PLXNA4: variants seen among roughly 807,000 people sequenced by gnomAD.
PLXNA4 encodes the protein plexin A4.
In PLXNA4, 44 loss-of-function variants were observed where a neutral mutation model predicts 191.8. The observed-to-expected ratio is 0.23, with a 90% confidence interval of 0.18 to 0.29. The LOEUF is 0.29. Ranked by LOEUF, PLXNA4 falls within the 10% of genes least tolerant of loss-of-function variation. The pLI is 1.00. For missense variants in PLXNA4, 1,800 were observed against 2,488.8 expected (o/e 0.72, Z 5.89); for synonymous variants, 1,082 against 1,009.5 (o/e 1.07, Z -1.36).
chr7:132,455,525 C>G (rs1476167205), intron 3 of PLXNA4, among the ~76,000 whole-genome samples: 3 of 152,140 alleles, frequency 2.0e-5, no homozygotes, highest in Admixed American at 1.3e-4. Context: ...CACACATATG[C>G]CTGCATGCAG....
At chr7:132,403,761 G>A (rs954658753) in intron 3 of PLXNA4, among the ~76,000 whole-genome samples, 5 of 152,116 alleles carry the variant, frequency 3.3e-5, no homozygotes, top group African/African-American at 1.2e-4. Context: ...AAGAGGCAGA[G>A]AGCAGGGAAG....
chr7:132,534,670 C>G (rs1290613721), intron 1 of PLXNA4, among the ~76,000 whole-genome samples: 1 of 152,162 alleles, frequency 6.6e-6, no homozygotes, highest in Admixed American at 6.5e-5. Flanking sequence ...TTAGTAGTCT[C>G]CAAAAGAAGG....
chr7:132,312,834 A>G (rs754631748), intron 3 of PLXNA4, among the ~76,000 whole-genome samples: 1 of 152,202 alleles, frequency 6.6e-6, no homozygotes, highest in Non-Finnish European at 1.5e-5. Context: ...CATTTAGCAC[A>G]CTGCCCAGCA....
chr7:132,181,760 A>T (rs1488071541), intron 17 of PLXNA4, 140 bp from the exon 18 acceptor site: 2 of 1,432,828 alleles, frequency 1.4e-6, no homozygotes, highest in Non-Finnish European at 1.8e-6. Flanking sequence ...GGGCCACACA[A>T]TTGGGCACTC....
intron 2 of PLXNA4, among the ~76,000 whole-genome samples, chr7:132,598,683 G>C (rs1037062881): frequency 1.3e-5 from 2 of 150,278 alleles, no homozygotes; most frequent in African/African-American, 5.0e-5. Context: ...AAATAACAGT[G>C]CTCTGTCAGT....
Position 132,298,148 on chromosome 7 carries a change from G to T in PLXNA4, c.1446C>A (p.Leu482=). 6.2e-7 allele frequency: 1 copy of T among 1,614,194 alleles called. No homozygotes were observed. Among genetic ancestry groups the T allele is most frequent in the Non-Finnish European group, 8.5e-7 (1 of 1,180,026 alleles). ...TVQVVDPGPV[L]RDMAFSKDHE... ...GGTCCTTGGAGAAGGCCATATCCCG[G>T]AGGACTGGGCCGGGGTCCACCACCT... The change falls in exon 4 of 32, where the codon CTC becomes CTA. Residue 482 remains leucine (L), a synonymous_variant. Coordinates refer to ENST00000321063, the MANE Select transcript of PLXNA4 (RefSeq NM_020911.2).
chr7:132,568,536 G>T (rs1801837804), intron 1 of PLXNA4, among the ~76,000 whole-genome samples: 1 of 152,110 alleles, frequency 6.6e-6, no homozygotes, highest in African/African-American at 2.4e-5. Context: ...CCCAATTTAT[G>T]TATCTGCCCA....
At chr7:132,381,832 C>T (rs1180954807) in intron 3 of PLXNA4, among the ~76,000 whole-genome samples, 1 of 152,174 alleles carries the variant, frequency 6.6e-6, no homozygotes, top group African/African-American at 2.4e-5. Flanking sequence ...CCAGGTGCCA[C>T]AGGGCTTGGT....
intron 3 of PLXNA4, among the ~76,000 whole-genome samples, chr7:132,345,098 A>T (rs1409190851): frequency 2.6e-5 from 4 of 152,092 alleles, no homozygotes; most frequent in African/African-American, 7.2e-5. Context: ...TCTTTGGGGG[A>T]TGGATGTAGG....
intron 1 of PLXNA4, among the ~76,000 whole-genome samples, chr7:132,563,806 CT>C (rs1801528326): frequency 1.3e-5 from 1 of 77,696 alleles, no homozygotes; most frequent in Non-Finnish European, 2.7e-5. Context: ...CCTCCTCCTT[CT>C]CCTCCTCCTT....
intron 3 of PLXNA4, among the ~76,000 whole-genome samples, chr7:132,483,435 T>C (rs1264207758): frequency 6.6e-6 from 1 of 152,216 alleles, no homozygotes; most frequent in Non-Finnish European, 1.5e-5. Flanking sequence ...TTCCCATCTT[T>C]GTTGTCTTGG....
rs368971023 is a variant in PLXNA4, at chr7:132,179,679, C to A, written c.3874+8G>T. On this transcript the variant is annotated splice_region_variant and intron_variant, in intron 20 of 31. Transcript: ENST00000321063. ...ACACATGGCCTCCAGCATGGGGCCA[C>A]TCAGTACCTTCCTTGCACTCCAGGG... 6.2e-7 allele frequency: 1 copy of A among 1,610,322 alleles called. No individual in the cohort carries two copies. The highest frequency in any genetic ancestry group is 1.3e-5 in the African/African-American group (1 of 74,988).
At chr7:132,222,551 G>A (rs1237415204) in intron 9 of PLXNA4, among the ~76,000 whole-genome samples, 1 of 152,080 alleles carries the variant, frequency 6.6e-6, no homozygotes, top group Non-Finnish European at 1.5e-5. Context: ...TGGCCACATG[G>A]TCATGACACC....
intron 3 of PLXNA4, among the ~76,000 whole-genome samples, chr7:132,394,051 G>A (rs1160854305): frequency 1.3e-5 from 2 of 151,222 alleles, no homozygotes; most frequent in Non-Finnish European, 2.9e-5. Flanking sequence ...CTGACAGCCT[G>A]GGAGTTTGCC....
At chr7:132,352,716 G>A (rs981966444) in intron 3 of PLXNA4, among the ~76,000 whole-genome samples, 15 of 152,142 alleles carry the variant, frequency 9.9e-5, no homozygotes, top group Non-Finnish European at 2.1e-4. Context: ...ATCCTCCTAC[G>A]TAAAATAGGA....
intron 5 of PLXNA4, among the ~76,000 whole-genome samples, chr7:132,238,945 C>T (rs1179093754): frequency 3.9e-5 from 6 of 152,176 alleles, no homozygotes; most frequent in African/African-American, 1.4e-4. Flanking sequence ...ATTTGATTCC[C>T]CAGTGACTCA....
intron 7 of PLXNA4, among the ~76,000 whole-genome samples, chr7:132,226,674 C>A (rs561532246): frequency 5.0e-4 from 76 of 152,338 alleles, no homozygotes; most frequent in Non-Finnish European, 1.0e-3. Flanking sequence ...AGCTCATTCC[C>A]TGTCTCTGTA....
intron 4 of PLXNA4, among the ~76,000 whole-genome samples, chr7:132,296,680 A>T (rs1801094004): frequency 6.6e-6 from 1 of 152,024 alleles, no homozygotes; most frequent in African/African-American, 2.4e-5. Context: ...ATGCCTTGTG[A>T]AGATCTTCTC....
At chr7:132,423,468 T>C (rs1008392682) in intron 3 of PLXNA4, among the ~76,000 whole-genome samples, 9 of 152,132 alleles carry the variant, frequency 5.9e-5, no homozygotes, top group African/African-American at 2.4e-5. Context: ...ATTTTGCTGA[T>C]GGATAAACTG....
Sources: allele counts gnomAD v4.1 joint callset (sites outside exome capture counted in the v4.1 genomes callset), GRCh38; gene constraint gnomAD v4.1.1; transcripts MANE v1.5; gene names NCBI Gene and HGNC (gene_info 2026-07-23, HGNC 2026-07-21).